The following UBAC2 variants were observed in gnomAD, a reference collection of about 807,000 sequenced individuals.
UBAC2 encodes UBA domain containing 2, also known as ubiquitin-associated domain-containing protein 2.
UBAC2 carries 26 observed loss-of-function variants against 44.0 expected under a neutral mutation model. The ratio of observed to expected loss-of-function variants is 0.59; its 90% CI spans 0.43 to 0.82. The LOEUF is 0.82. Among genes scored for constraint, UBAC2 ranks in the 40% least tolerant of loss-of-function variants. The pLI is 0.00. For synonymous variants in UBAC2, 155 were observed against 154.3 expected, an observed-to-expected ratio of 1.00 and a Z score of -0.04; for missense variants, 329 against 419.4, an observed-to-expected ratio of 0.78 and a Z score of 1.88.
At chr13:99,254,802 T>C in intron 4 of UBAC2, 1 of 1,125,952 alleles carries the variant, frequency 8.9e-7, no homozygotes, top group Non-Finnish European at 1.3e-6. Flanking sequence ...GATAGTATTA[T>C]ACAGAATATC....
chr13:99,383,387 TA>T (rs1278155942), intron 8 of UBAC2, among the ~76,000 whole-genome samples: 1 of 152,250 alleles, frequency 6.6e-6, no homozygotes, highest in African/African-American at 2.4e-5. Context: ...TTTTGTTAGC[TA>T]CTGTTTTTTG....
At chr13:99,201,595 G>C in intron 1 of UBAC2, 1 of 1,612,366 alleles carries the variant, frequency 6.2e-7, no homozygotes, top group Non-Finnish European at 8.5e-7. Context: ...TTTACAGCCA[G>C]TTAAACGGCT....
chr13:99,288,386 C>T (rs938098854), intron 4 of UBAC2, among the ~76,000 whole-genome samples: 9 of 152,118 alleles, frequency 5.9e-5, no homozygotes, highest in South Asian at 2.1e-4. Flanking sequence ...TTACTAACTA[C>T]GAGAAGCCAC....
chr13:99,354,888 G>A (rs138646599), intron 7 of UBAC2, among the ~76,000 whole-genome samples: 338 of 152,234 alleles, frequency 2.2e-3, no homozygotes, highest in African/African-American at 3.9e-3. Context: ...GGACCTAAAC[G>A]GGCAGATCCT....
chr13:99,324,976 T>G (rs2044618342), intron 6 of UBAC2, among the ~76,000 whole-genome samples: 1 of 152,194 alleles, frequency 6.6e-6, no homozygotes, highest in East Asian at 1.9e-4. Context: ...CATAACACAT[T>G]TCTCAGAATG....
intron 6 of UBAC2, among the ~76,000 whole-genome samples, chr13:99,323,131 TC>T (rs2044591527): frequency 1.3e-5 from 2 of 152,158 alleles, no homozygotes; most frequent in Admixed American, 6.5e-5. Flanking sequence ...TCTCCGTGCT[TC>T]CTTTTCTCCT....
intron 4 of UBAC2, among the ~76,000 whole-genome samples, chr13:99,283,732 T>C: frequency 8.9e-6 from 1 of 112,238 alleles, no homozygotes; most frequent in African/African-American, 3.9e-5. Flanking sequence ...TTTTTTTTTT[T>C]TTTTTTTTTT....
intron 7 of UBAC2, among the ~76,000 whole-genome samples, chr13:99,349,772 A>G (rs2045051875): frequency 1.3e-5 from 2 of 152,246 alleles, no homozygotes; most frequent in Non-Finnish European, 1.5e-5. Context: ...CGGGAGGAAC[A>G]TGAAAGTGGA....
rs2044869114 is a variant in UBAC2, at chr13:99,340,472, G to A, written c.714G>A (p.Thr238=). ...AAGCCAGAATTGGGATGGGAGCCAC[G>A]CTGGACATCCAGAGACAGCAGAGAA... ...TSEARIGMGA[T]LDIQRQQRME... Residue 238 remains threonine (T), a synonymous_variant, in exon 7 of 9, where the codon ACG becomes ACA. Transcript: ENST00000403766. 3.1e-6 allele frequency: 5 copies of A among 1,614,204 alleles called. No homozygotes were observed. The highest frequency in any genetic ancestry group is 1.6e-4 in the Middle Eastern group (1 of 6,062).
chr13:99,236,256 CAA>C (rs2043231730), intron 1 of UBAC2, among the ~76,000 whole-genome samples: 1 of 152,110 alleles, frequency 6.6e-6, no homozygotes, highest in African/African-American at 2.4e-5. Context: ...AAACAGTCAA[CAA>C]AGAGATAACC....
Position 99,288,636 on chromosome 13 carries a change from T to C in UBAC2, c.390-25461T>C, listed in dbSNP as rs373388818. Among the ~76,000 whole-genome samples, 212 of 152,340 alleles carry C rather than the reference T, an allele frequency of 1.4e-3. 2 individuals are homozygous for C. The highest frequency in any genetic ancestry group is 5.0e-3 in the African/African-American group (207 of 41,578). On this transcript the variant is annotated intron_variant, in intron 4 of 8. Coordinates refer to ENST00000403766, the MANE Select transcript of UBAC2 (RefSeq NM_001144072.2). ...GGAAAAGCTAGTGGTGCTCCTCTTA[T>C]ACTCTCAACAGAAAAGTTTCATTTT...
chr13:99,264,117 A>G (rs1447721558), intron 4 of UBAC2, among the ~76,000 whole-genome samples: 1 of 152,198 alleles, frequency 6.6e-6, no homozygotes, highest in Non-Finnish European at 1.5e-5. Flanking sequence ...AGAGGTTACT[A>G]GAACTTGGAA....
chr13:99,250,817 G>A (rs1374386491), intron 4 of UBAC2, among the ~76,000 whole-genome samples: 1 of 151,986 alleles, frequency 6.6e-6, no homozygotes, highest in Non-Finnish European at 1.5e-5. Context: ...TGTGATCTTG[G>A]CTCACTGCAG....
intron 6 of UBAC2, among the ~76,000 whole-genome samples, chr13:99,327,503 T>TG (rs2044655922): frequency 2.6e-5 from 4 of 152,138 alleles, no homozygotes; most frequent in African/African-American, 7.2e-5. Context: ...TGTGTGTGTG[T>TG]TTAAGTGTCC....
At chr13:99,252,478 A>G (rs995482701) in intron 4 of UBAC2, among the ~76,000 whole-genome samples, 1 of 152,238 alleles carries the variant, frequency 6.6e-6, no homozygotes, top group Non-Finnish European at 1.5e-5. Context: ...TGCTTTGCTT[A>G]GAAATTGTAG....
At chr13:99,209,355 A>G (rs762722615) in intron 1 of UBAC2, among the ~76,000 whole-genome samples, 4 of 152,182 alleles carry the variant, frequency 2.6e-5, no homozygotes, top group Non-Finnish European at 5.9e-5. Flanking sequence ...GACTGTGGGA[A>G]TCAGGGGACT....
At chr13:99,230,339 G>A (rs1231301588) in intron 1 of UBAC2, among the ~76,000 whole-genome samples, 1 of 151,956 alleles carries the variant, frequency 6.6e-6, no homozygotes, top group Non-Finnish European at 1.5e-5. Flanking sequence ...GGTGGCAAGC[G>A]CCTGTAGTCC....
At chr13:99,227,893 G>A (rs2043128580) in intron 1 of UBAC2, among the ~76,000 whole-genome samples, 1 of 152,182 alleles carries the variant, frequency 6.6e-6, no homozygotes, top group Admixed American at 6.5e-5. Context: ...AATTAGGGAG[G>A]TTTGAGGAGA....
At chr13:99,342,195 G>A (rs1566511620) in intron 7 of UBAC2, among the ~76,000 whole-genome samples, 2 of 152,202 alleles carry the variant, frequency 1.3e-5, no homozygotes, top group Admixed American at 6.5e-5. Flanking sequence ...CAAAAGCCTC[G>A]CTGGTCTTAT....
Sources: allele counts gnomAD v4.1 joint callset (sites outside exome capture counted in the v4.1 genomes callset), GRCh38; gene constraint gnomAD v4.1.1; transcripts MANE v1.5; gene names NCBI Gene and HGNC (gene_info 2026-07-23, HGNC 2026-07-21).